Variants in TNRC6B observed in about 807,000 individuals in gnomAD.
TNRC6B encodes trinucleotide repeat-containing gene 6B protein.
A neutral mutation model predicts 203.6 loss-of-function variants in TNRC6B; 52 were observed. The ratio of observed to expected loss-of-function variants is 0.26; its 90% CI spans 0.20 to 0.32. TNRC6B has a LOEUF of 0.32. Among genes scored for constraint, TNRC6B ranks in the 10% least tolerant of loss-of-function variants. The probability of loss-of-function intolerance (pLI) is 1.00; values close to 1 mark genes in which losing one functional copy is unlikely to be tolerated. For missense variants in TNRC6B, 1,923 were observed against 2,286.2 expected (o/e 0.84, Z 3.24); for synonymous variants, 838 against 845.7 (o/e 0.99, Z 0.16).
At chr22:40,146,896 C>G (rs1255767456) in intron 3 of TNRC6B, among the ~76,000 whole-genome samples, 1 of 152,120 alleles carries the variant, frequency 6.6e-6, no homozygotes, top group Non-Finnish European at 1.5e-5. Flanking sequence ...AGGAATAAAT[C>G]CAAAGCCTCT....
intron 1 of TNRC6B, among the ~76,000 whole-genome samples, chr22:40,079,415 T>C (rs2068047232): frequency 1.3e-5 from 2 of 152,142 alleles, no homozygotes; most frequent in Admixed American, 1.3e-4. Flanking sequence ...TGAATGTTGG[T>C]AAGCAAGCCC....
At chr22:40,299,714 G>C (rs970738798) in intron 12 of TNRC6B, among the ~76,000 whole-genome samples, 3 of 152,198 alleles carry the variant, frequency 2.0e-5, no homozygotes, top group Non-Finnish European at 4.4e-5. Flanking sequence ...TACACTACTT[G>C]GCACTCACGG....
chr22:40,237,925 G>A (rs1330007087), intron 1 of TNRC6B, among the ~76,000 whole-genome samples: 1 of 151,882 alleles, frequency 6.6e-6, no homozygotes, highest in Non-Finnish European at 1.5e-5. Context: ...CTGAGGGCAG[G>A]GACCATCCTT....
intron 3 of TNRC6B, among the ~76,000 whole-genome samples, chr22:40,136,830 A>G (rs962234800): frequency 1.3e-4 from 20 of 152,236 alleles, no homozygotes; most frequent in African/African-American, 4.1e-4. Context: ...TTACTGAATC[A>G]GGAAGCTAAC....
chr22:40,240,588 G>A (rs1281945474), intron 1 of TNRC6B, among the ~76,000 whole-genome samples: 1 of 152,210 alleles, frequency 6.6e-6, no homozygotes, highest in Non-Finnish European at 1.5e-5. Flanking sequence ...AATTGGAGGT[G>A]CCCATAGTAT....
intron 1 of TNRC6B, among the ~76,000 whole-genome samples, chr22:40,201,212 G>C (rs2069407943): frequency 6.6e-6 from 1 of 152,068 alleles, no homozygotes; most frequent in African/African-American, 2.4e-5. Context: ...AAAAAATTTG[G>C]CTACCTTTCT....
chr22:40,045,362 C>A (rs1287528528), intron 1 of TNRC6B: 2 of 148,782 alleles, frequency 1.3e-5, no homozygotes, highest in African/African-American at 4.9e-5. Flanking sequence ...GCGCGCGGCT[C>A]CGGGCGTCAC....
intron 1 of TNRC6B, among the ~76,000 whole-genome samples, chr22:40,076,948 C>A (rs1024974593): frequency 6.6e-6 from 1 of 150,546 alleles, no homozygotes; most frequent in Non-Finnish European, 1.5e-5. Flanking sequence ...TTGCTTCAGC[C>A]CAGGAATTTG....
intron 3 of TNRC6B, among the ~76,000 whole-genome samples, chr22:40,256,929 T>C (rs968179012): frequency 6.6e-5 from 10 of 152,156 alleles, no homozygotes; most frequent in African/African-American, 1.9e-4. Flanking sequence ...TAGTGACTTA[T>C]GAGGAAAGAA....
Position 40,328,806 on chromosome 22 carries a change from T to A in TNRC6B, c.*5565T>A, listed in dbSNP as rs1300689604. On this transcript the variant is annotated 3_prime_UTR_variant, in exon 23 of 23. Transcript: ENST00000454349. The stretch of plus-strand genomic sequence containing the variant: ...AGTCTTTATGTAGAAAAGATCCATT[T>A]TTTCCCCATCCTCAGAGTTAAAATT... 6.6e-6 allele frequency: 1 copy of A among 152,204 alleles called. No homozygotes were observed. Among genetic ancestry groups the A allele is most frequent in the African/African-American group, 2.4e-5 (1 of 41,430 alleles). 9.4% of individuals were successfully genotyped at this position (152,204 alleles called of 1,614,324 possible).
chr22:40,106,772 AT>A, intron 1 of TNRC6B: 1 of 832,468 alleles, frequency 1.2e-6, no homozygotes, highest in Non-Finnish European at 2.1e-6. Context: ...TACCCCATTG[AT>A]ACCTCTGATC....
At position 40,125,899 on chromosome 22, in the gene TNRC6B, A is replaced by G. The variant is rs1266150634; in HGVS notation, c.45+37A>G. 10 of 1,599,964 alleles carry G rather than the reference A, an allele frequency of 6.3e-6. No individual in the cohort carries two copies. The Admixed American group carries it at 1.6e-4, about 25-fold the overall frequency. On this transcript the variant is annotated intron_variant, in intron 3 of 23. Transcript: ENST00000301923. ...ACTGAAAGGTACAGTTTGGGTAGAA[A>G]TTGAACAGTAGAGGCTGTGGATGAG...
At position 40,300,924 on chromosome 22, in the gene TNRC6B, C is replaced by A. The variant is rs1354340805; in HGVS notation, c.3855C>A (p.Leu1285=). ...IPQFQLACQL[L]LQQQQQQQLL... is the part of the protein sequence containing the mutation. ...TTGTTTTGTAGGCATGTCAGCTTCTCTTGCAGCAGCAGCAACAGCAGCAGT... is the reference window on the plus strand; with the variant it reads ...TTGTTTTGTAGGCATGTCAGCTTCTATTGCAGCAGCAGCAACAGCAGCAGT... The change falls in exon 14 of 23, where the codon CTC becomes CTA. Residue 1285 remains leucine (L), a synonymous_variant. Transcript: ENST00000454349. 6 of 1,613,708 alleles carry A rather than the reference C, an allele frequency of 3.7e-6. No homozygotes were observed. The highest frequency in any genetic ancestry group is 5.1e-6 in the Non-Finnish European group (6 of 1,179,804).
intron 4 of TNRC6B, among the ~76,000 whole-genome samples, chr22:40,166,167 C>T (rs2068917486): frequency 6.6e-6 from 1 of 152,098 alleles, no homozygotes; most frequent in Non-Finnish European, 1.5e-5. Context: ...TCTGGGCAGG[C>T]AAAGAAATCT....
intron 3 of TNRC6B, among the ~76,000 whole-genome samples, chr22:40,259,151 ATCT>A (rs2070333755): frequency 6.6e-6 from 1 of 152,178 alleles, no homozygotes; most frequent in East Asian, 1.9e-4. Flanking sequence ...ATATTAAATA[ATCT>A]TCATTCATTC....
intron 1 of TNRC6B, among the ~76,000 whole-genome samples, chr22:40,195,486 AG>A (rs1210252616): frequency 6.6e-6 from 1 of 152,108 alleles, no homozygotes; most frequent in Non-Finnish European, 1.5e-5. Context: ...TATTAGAGAC[AG>A]GGCTTTGCTC....
chr22:40,047,145 C>A (rs1191837860), intron 1 of TNRC6B, among the ~76,000 whole-genome samples: 1 of 152,108 alleles, frequency 6.6e-6, no homozygotes, highest in Non-Finnish European at 1.5e-5. Context: ...CTATGCAGTT[C>A]CAGGGCATAG....
At chr22:40,299,068 C>G (rs1365311076) in intron 12 of TNRC6B, among the ~76,000 whole-genome samples, 1 of 150,984 alleles carries the variant, frequency 6.6e-6, no homozygotes, top group Admixed American at 6.6e-5. Flanking sequence ...TTGAGACCAG[C>G]CGGGAGGTCA....
At chr22:40,312,676 A>G (rs1383283672) in intron 18 of TNRC6B, 25 bp downstream of exon 18, 17 of 1,600,532 alleles carry the variant, frequency 1.1e-5, no homozygotes, top group African/African-American at 5.4e-5. Context: ...CATCTCTTAT[A>G]TGTTCAACAC....
Sources: gnomAD v4.1 joint callset for allele counts (sites outside exome capture counted in the v4.1 genomes callset) on GRCh38, gnomAD v4.1.1 for gene constraint, MANE v1.5 for transcripts, NCBI Gene and HGNC (gene_info 2026-07-23, HGNC 2026-07-21) for gene names.